The following KIRREL3 variants were observed in gnomAD, a reference collection of about 807,000 sequenced individuals.
KIRREL3 encodes the protein kin of IRRE-like protein 3.
KIRREL3 carries 36 observed loss-of-function variants against 89.7 expected under a neutral mutation model. The ratio of observed to expected loss-of-function variants is 0.40; its 90% CI spans 0.31 to 0.53. The LOEUF is 0.53. KIRREL3 is among the 20% of genes least tolerant of loss of function. The probability of loss-of-function intolerance (pLI) is 0.49; values close to 1 mark genes in which losing one functional copy is unlikely to be tolerated. For missense variants in KIRREL3, 864 were observed against 1,056.6 expected (o/e 0.82, Z 2.53); for synonymous variants, 445 against 441.4 (o/e 1.01, Z -0.10).
intron 1 of KIRREL3, among the ~76,000 whole-genome samples, chr11:126,873,267 G>A (rs1244665643): frequency 6.6e-6 from 1 of 152,108 alleles, no homozygotes; most frequent in African/African-American, 2.4e-5. Flanking sequence ...AATTTAAAAT[G>A]TTTTACTTTA....
Position 126,908,690 on chromosome 11 carries a change from C to T in KIRREL3, c.55+91765G>A, listed in dbSNP as rs558123886. On this transcript the variant is annotated intron_variant, in intron 1 of 16. Transcript: ENST00000525144. This position sits in a 1 kb window ranked among gnomAD's most constrained non-coding sequence, Gnocchi z 4.2. ...AACAAGTATTAAAGGGCTTCCCATA[C>T]ACCAGAAACTGGGGATTCCACAGTA... 1.8e-4 allele frequency among the ~76,000 whole-genome samples: 27 copies of T among 152,164 alleles called. No homozygotes were observed. The highest frequency in any genetic ancestry group is 6.5e-4 in the African/African-American group (27 of 41,438).
chr11:126,878,970 T>G (rs1165660120), intron 1 of KIRREL3, among the ~76,000 whole-genome samples: 1 of 151,978 alleles, frequency 6.6e-6, no homozygotes, highest in African/African-American at 2.4e-5. Context: ...GAAAAAAGAG[T>G]GCAGGTTAAA....
In KIRREL3 at chr11:126,876,302, G is replaced by A. The variant is rs988366643; in HGVS notation, c.55+124153C>T. 6.6e-6 allele frequency among the ~76,000 whole-genome samples: 1 copy of A among 152,204 alleles called. No individual in the cohort carries two copies. The highest frequency in any genetic ancestry group is 1.5e-5 in the Non-Finnish European group (1 of 68,040). On this transcript the variant is annotated intron_variant, in intron 1 of 16. Transcript: ENST00000525144. The surrounding 1 kb of genome is among the most constrained non-coding windows in gnomAD (Gnocchi z 4.1). ...GATCTGCTGGAGGCAACGATCTCTA[G>A]ACTCAGTTTCTCAGCCTGAAGGCAC...
At chr11:126,964,955 T>C (rs1482247349) in intron 1 of KIRREL3, among the ~76,000 whole-genome samples, 1 of 152,178 alleles carries the variant, frequency 6.6e-6, no homozygotes, top group East Asian at 1.9e-4. Context: ...GCAATATTAA[T>C]ACTAAGCACT....
intron 1 of KIRREL3, among the ~76,000 whole-genome samples, chr11:126,803,690 C>T (rs530246969): frequency 7.9e-5 from 12 of 152,246 alleles, no homozygotes; most frequent in Admixed American, 3.3e-4. Context: ...ACTCTTCCCT[C>T]AGGCAATTGC....
intron 1 of KIRREL3, among the ~76,000 whole-genome samples, chr11:126,725,446 G>T (rs1357108288): frequency 2.0e-5 from 3 of 152,194 alleles, no homozygotes; most frequent in Admixed American, 1.3e-4. Flanking sequence ...GCTAACACCC[G>T]CATGGGCATT....
At chr11:126,884,195 C>T (rs7924420) in intron 1 of KIRREL3, among the ~76,000 whole-genome samples, 93,833 of 152,120 alleles carry the variant, frequency 0.62, 30,471 homozygotes, top group African/African-American at 0.82. Flanking sequence ...TGGGTCCACC[C>T]GCAGAAATTC....
intron 1 of KIRREL3, among the ~76,000 whole-genome samples, chr11:126,975,875 G>GT (rs1949550752): frequency 7.0e-6 from 1 of 141,980 alleles, no homozygotes; most frequent in African/African-American, 2.7e-5. Context: ...TAATTCCCAG[G>GT]TTTTTCTTTT....
chr11:126,923,210 CTTCTTCTTCT>C lies in KIRREL3; in HGVS notation c.55+77235_55+77244del, dbSNP rs1565423545. 9.2e-4 allele frequency among the ~76,000 whole-genome samples: 15 copies of C among 16,258 alleles called. 4 individuals carry two copies. The highest frequency in any genetic ancestry group is 1.6e-3 in the Non-Finnish European group (14 of 8,816). 10.7% of individuals were successfully genotyped at this position (16,258 alleles called of 152,430 possible). On this transcript the variant is annotated intron_variant, in intron 1 of 16. Transcript: ENST00000525144. ...TTCTCTTCTTCTTCTTCTTCTTCTT[CTTCTTCTTCT>C]TCTTCTTCTTCTTCTTCTTCTTCTT... is the stretch of plus-strand genomic sequence containing the variant.
At chr11:126,880,206 G>C (rs1945446361) in intron 1 of KIRREL3, among the ~76,000 whole-genome samples, 1 of 152,192 alleles carries the variant, frequency 6.6e-6, no homozygotes, top group African/African-American at 2.4e-5. Flanking sequence ...CTGGAATCTA[G>C]AAGTACCTTC....
chr11:126,497,215 TGAGA>T lies in KIRREL3; in HGVS notation c.434-23753_434-23750del, dbSNP rs1242317513. The stretch of plus-strand genomic sequence containing the variant: ...GTGAGTGTGTGTGAGTGTGAGTGTG[TGAGA>T]GTGAGTGTGTGTGAGACAGTGTGAG... On this transcript the variant is annotated intron_variant, in intron 4 of 16. Coordinates refer to ENST00000525144, the MANE Select transcript of KIRREL3 (RefSeq NM_032531.4). Among the ~76,000 whole-genome samples the T allele has an allele frequency of 7.1e-4, 80 of 112,360 alleles. 2 individuals are homozygous for T. In the South Asian group the frequency reaches 0.011, roughly 16 times the overall value. 73.7% of individuals were successfully genotyped at this position (112,360 alleles called of 152,430 possible).
At position 126,627,192 on chromosome 11, in the gene KIRREL3, T is replaced by C. The variant is rs540098034; in HGVS notation, c.56-64280A>G. ...GCATAAGGAGGTGGAGGTGAGAGAA[T>C]TTCAGACTGAGGAACTGAAAGAGCC... On this transcript the variant is annotated intron_variant, in intron 1 of 16. Coordinates refer to ENST00000525144, the MANE Select transcript of KIRREL3 (RefSeq NM_032531.4). The surrounding 1 kb of genome is among the most constrained non-coding windows in gnomAD (Gnocchi z 5.0). Among the ~76,000 whole-genome samples the C allele has an allele frequency of 6.6e-6, 1 of 152,100 alleles. No individual in the cohort carries two copies. Among genetic ancestry groups the C allele is most frequent in the South Asian group, 2.1e-4 (1 of 4,808 alleles).
At chr11:126,899,801 T>G (rs886334559) in intron 1 of KIRREL3, among the ~76,000 whole-genome samples, 4 of 152,244 alleles carry the variant, frequency 2.6e-5, no homozygotes, top group Non-Finnish European at 4.4e-5. Context: ...GGGTACACCA[T>G]GTAGTTTACA....
chr11:126,484,353 A>G lies in KIRREL3; in HGVS notation c.434-10887T>C, dbSNP rs1957295635. ...AAAAACAGCACCAATAATATGAATA[A>G]TAGCTAACATTGATATAGGGCTTAC... On this transcript the variant is annotated intron_variant, in intron 4 of 16. Coordinates refer to ENST00000525144, the MANE Select transcript of KIRREL3 (RefSeq NM_032531.4). The surrounding 1 kb of genome is among the most constrained non-coding windows in gnomAD (Gnocchi z 5.2). 6.6e-6 allele frequency among the ~76,000 whole-genome samples: 1 copy of G among 152,208 alleles called. No individual in the cohort carries two copies. The highest frequency in any genetic ancestry group is 2.1e-4 in the South Asian group (1 of 4,830).
At chr11:126,547,396 G>A (rs904048830) in intron 2 of KIRREL3, among the ~76,000 whole-genome samples, 23 of 152,310 alleles carry the variant, frequency 1.5e-4, no homozygotes, top group Middle Eastern at 3.4e-3. Context: ...GTCTAATCAC[G>A]AAGGCTGCAT....
rs1949458728 is a variant in KIRREL3 at position 126,755,380 on chromosome 11, G to C, written c.56-192468C>G. 6.6e-6 allele frequency among the ~76,000 whole-genome samples: 1 copy of C among 152,026 alleles called. No homozygotes were observed. Among genetic ancestry groups the C allele is most frequent in the Non-Finnish European group, 1.5e-5 (1 of 68,002 alleles). ...AGGTAATCGTGTTTAAAAAGATAGG[G>C]AACATGACAGGAAAAGAACCCAGCT... On this transcript the variant is annotated intron_variant, in intron 1 of 16. Coordinates refer to ENST00000525144, the MANE Select transcript of KIRREL3 (RefSeq NM_032531.4). This position sits in a 1 kb window ranked among gnomAD's most constrained non-coding sequence, Gnocchi z 4.3.
chr11:126,446,266 CTCTCTTTCT>C (rs1565457670), intron 9 of KIRREL3, among the ~76,000 whole-genome samples: 12 of 43,976 alleles, frequency 2.7e-4, no homozygotes, highest in African/African-American at 8.8e-4. Context: ...TTTTCTTTCT[CTCTCTTTCT>C]TTTCTTTCTC....
chr11:126,510,421 T>TTTCCTTCCATCCTTCCTTCCTTCCTTCC (rs1958179271), intron 4 of KIRREL3, among the ~76,000 whole-genome samples: 1 of 126,328 alleles, frequency 7.9e-6, no homozygotes. Flanking sequence ...CCTGACGTTG[T>TTTCCTTCCATCCTTCCTTCCTTCCTTCC]TTCCTTCCTT....
rs1944945566 is a variant in KIRREL3 at position 126,652,489 on chromosome 11, C to T, written c.56-89577G>A. Among the ~76,000 whole-genome samples the T allele has an allele frequency of 6.6e-6, 1 of 152,166 alleles. No homozygotes were observed. The highest frequency in any genetic ancestry group is 1.5e-5 in the Non-Finnish European group (1 of 68,042). On this transcript the variant is annotated intron_variant, in intron 1 of 16. Transcript: ENST00000525144. The surrounding 1 kb of genome is among the most constrained non-coding windows in gnomAD (Gnocchi z 4.9). ...CACACATTTCATCCTCATAACAGCC[C>T]TATGGTGTAGAGAATATCATTATCT...
Sources: gnomAD v4.1 joint callset for allele counts (sites outside exome capture counted in the v4.1 genomes callset) on GRCh38, gnomAD v4.1.1 for gene constraint, Gnocchi (gnomAD v3.1) non-coding constraint, MANE v1.5 for transcripts, NCBI Gene and HGNC (gene_info 2026-07-23, HGNC 2026-07-21) for gene names.